The following SH2D5 variants were observed in gnomAD, a reference collection of about 807,000 sequenced individuals.
SH2D5 encodes SH2 domain containing 5, also known as SH2 domain-containing protein 5.
Under a neutral mutation model 48.2 loss-of-function variants are expected in SH2D5, and 45 were observed. The observed-to-expected ratio is 0.93, with a 90% CI of 0.73 to 1.20. SH2D5 has a LOEUF of 1.20. Among genes scored for constraint, SH2D5 ranks in the 50% most tolerant of loss-of-function variants. The pLI is 0.00. For synonymous variants in SH2D5, 230 were observed against 249.8 expected (o/e 0.92, Z 0.75); for missense variants, 538 against 584.1 (o/e 0.92, Z 0.81).
rs1030529361 is a variant in SH2D5 at position 20,729,611 on chromosome 1, C to G, written c.-42-1525G>C. ...CTCCCCTCCTTGTCCTTGGCCACAC[C>G]GACAGGCGCCCACAGAGAGCAGGTA... On this transcript the variant is annotated intron_variant, in intron 1 of 9. Transcript: ENST00000444387. The surrounding 1 kb of genome is among the most constrained non-coding windows in gnomAD (Gnocchi z 4.2). Among the ~76,000 whole-genome samples the G allele has an allele frequency of 6.6e-6, 1 of 150,488 alleles. No homozygotes were observed. The highest frequency in any genetic ancestry group is 2.5e-5 in the African/African-American group (1 of 40,808).
Position 20,728,982 on chromosome 1 carries a change from A to G in SH2D5, c.-42-896T>C, listed in dbSNP as rs1472895302. Among the ~76,000 whole-genome samples the G allele has an allele frequency of 6.6e-6, 1 of 151,636 alleles. No homozygotes were observed. The highest frequency in any genetic ancestry group is 1.5e-5 in the Non-Finnish European group (1 of 67,934). On this transcript the variant is annotated intron_variant, in intron 1 of 9. Coordinates refer to ENST00000444387, the MANE Select transcript of SH2D5 (RefSeq NM_001103161.2). This position sits in a 1 kb window ranked among gnomAD's most constrained non-coding sequence, Gnocchi z 4.3. ...CAGACAGTGCGCTGATGCAGACAGG[A>G]TGTGGGGAAGGAGGACAACTGCCCT...
chr1:20,727,464 G>A, intron 3 of SH2D5, 59 bp downstream of exon 3: 1 of 1,464,804 alleles, frequency 6.8e-7, no homozygotes, highest in Non-Finnish European at 9.4e-7. Flanking sequence ...GGTCTAGGGG[G>A]TTACCTGGTC....
chr1:20,721,878 C>A lies in SH2D5; in HGVS notation c.1186G>T (p.Asp396Tyr). Residue 396 changes from aspartate to tyrosine, a missense_variant, in exon 10 of 10, where the codon GAC becomes TAC. By Grantham distance (160) the Asp-to-Tyr change is radical. Coordinates refer to ENST00000444387, the MANE Select transcript of SH2D5 (RefSeq NM_001103161.2). ...GRLNPTYEEQ[D>Y]CGPPGRPPRT... is the part of the protein sequence containing the mutation. Reference sequence around the variant, plus strand: ...GGCGGCCTGCCTGGGGGCCCACAGTCCTGCTCCTCGTAGGTGGGGTTCAGG... The same window carrying A: ...GGCGGCCTGCCTGGGGGCCCACAGTACTGCTCCTCGTAGGTGGGGTTCAGG... The A allele has an allele frequency of 6.2e-7, 1 of 1,613,070 alleles. No individual in the cohort carries two copies. The highest frequency in any genetic ancestry group is 1.1e-5 in the South Asian group (1 of 91,058).
chr1:20,727,498 G>A lies in SH2D5; in HGVS notation c.168+25C>T, dbSNP rs768054845. The A allele has an allele frequency of 2.0e-5, 32 of 1,580,416 alleles. 1 individual carries two copies. The South Asian group carries it at 3.6e-4, about 18-fold the overall frequency. On this transcript the variant is annotated intron_variant, in intron 3 of 9. Coordinates refer to ENST00000444387, the MANE Select transcript of SH2D5 (RefSeq NM_001103161.2). ...TCTTCAAGGCTGTGACTTCCACTAG[G>A]GAAGTGCCCTCCCAGGCCACCCACC...
chr1:20,727,147 C>T, intron 3 of SH2D5, 72 bp from the exon 4 acceptor site: 1 of 1,347,748 alleles, frequency 7.4e-7, no homozygotes, highest in Non-Finnish European at 1.0e-6. Flanking sequence ...GCCTCAGGAC[C>T]ATCCACCAAA....
At position 20,721,978 on chromosome 1, in the gene SH2D5, G is replaced by C. The variant is rs1324686559; in HGVS notation, c.1086C>G (p.Phe362Leu). The C allele has an allele frequency of 6.2e-7, 1 of 1,612,830 alleles. No individual in the cohort carries two copies. Residue 362 changes from phenylalanine to leucine, a missense_variant, in exon 10 of 10, where the codon TTC becomes TTG. Physicochemically the swap from Phe to Leu is conservative, Grantham distance 22. Transcript: ENST00000444387. ...RYCLEHLPAEFPSLEALVENH... is the reference protein window; with the variant it reads ...RYCLEHLPAELPSLEALVENH... ...TCTCCACCAGAGCCTCCAGGCTGGG[G>C]AACTCTGCCGGCAGGTGCTAGGGGA... is the stretch of plus-strand genomic sequence containing the variant.
intron 8 of SH2D5, 120 bp from the exon 9 acceptor site, chr1:20,723,035 G>T: frequency 1.0e-6 from 1 of 990,572 alleles, no homozygotes; most frequent in Non-Finnish European, 1.4e-6. Context: ...CGGTGCGTTG[G>T]CCGGGCTCAG....
At chr1:20,727,464 G>C (rs1215770444) in intron 3 of SH2D5, 59 bp downstream of exon 3, 1 of 1,464,804 alleles carries the variant, frequency 6.8e-7, no homozygotes, top group Non-Finnish European at 9.4e-7. Flanking sequence ...GGTCTAGGGG[G>C]TTACCTGGTC....
Position 20,729,502 on chromosome 1 carries a change from G to A in SH2D5, c.-42-1416C>T, listed in dbSNP as rs2054867565. Among the ~76,000 whole-genome samples the A allele has an allele frequency of 1.3e-5, 2 of 152,124 alleles. No individual in the cohort carries two copies. The highest frequency in any genetic ancestry group is 1.3e-4 in the Admixed American group (2 of 15,272). ...TGGAGGAGGCAGCGCCCAGCCCGACGCCAGCCAGGCTTGGATCCAAAGCTC... is the reference window on the plus strand; with the variant it reads ...TGGAGGAGGCAGCGCCCAGCCCGACACCAGCCAGGCTTGGATCCAAAGCTC... On this transcript the variant is annotated intron_variant, in intron 1 of 9. Coordinates refer to ENST00000444387, the MANE Select transcript of SH2D5 (RefSeq NM_001103161.2). This position sits in a 1 kb window ranked among gnomAD's most constrained non-coding sequence, Gnocchi z 4.2.
rs1435403645 is a variant in SH2D5, at chr1:20,727,976, G to A, written c.69C>T (p.Cys23=). 6.4e-7 allele frequency: 1 copy of A among 1,573,170 alleles called. No individual in the cohort carries two copies. ...DCGLAPHRPR[C]ITKFAQYVGS... Reference sequence around the variant, plus strand: ...CACCCACCTGGGCAAACTTGGTGATGCACCTGGGCCGGTGAGGGGCCAGCC... The same window carrying A: ...CACCCACCTGGGCAAACTTGGTGATACACCTGGGCCGGTGAGGGGCCAGCC... The change falls in exon 2 of 10, where the codon TGC becomes TGT. Residue 23 remains cysteine, a synonymous_variant. Coordinates refer to ENST00000444387, the MANE Select transcript of SH2D5 (RefSeq NM_001103161.2).
Position 20,723,659 on chromosome 1 carries a change from G to T in SH2D5, c.875C>A (p.Thr292Lys), listed in dbSNP as rs368863175. 1 of 1,612,916 alleles carries T rather than the reference G, an allele frequency of 6.2e-7. No homozygotes were observed. The highest frequency in any genetic ancestry group is 8.5e-7 in the Non-Finnish European group (1 of 1,179,966). ...SCLVESEGSL[T>K]ENIWAFAGIS... is the part of the protein sequence containing the mutation. ...GCCAGCGAAGGCCCAGATGTTCTCC[G>T]TCAGGCTGCCCTCGCTCTCCACCAG... The change falls in exon 8 of 10, where the codon ACG becomes AAG. Residue 292 changes from threonine (T) to lysine (K), a missense_variant. Coordinates refer to ENST00000444387, the MANE Select transcript of SH2D5 (RefSeq NM_001103161.2).
rs2054851567 is a variant in SH2D5, at chr1:20,728,537, A to ATC, written c.-42-452_-42-451insGA. 6.6e-6 allele frequency among the ~76,000 whole-genome samples: 1 copy of ATC among 152,024 alleles called. No homozygotes were observed. Among genetic ancestry groups the ATC allele is most frequent in the Non-Finnish European group, 1.5e-5 (1 of 67,972 alleles). On this transcript the variant is annotated intron_variant, in intron 1 of 9. Coordinates refer to ENST00000444387, the MANE Select transcript of SH2D5 (RefSeq NM_001103161.2). The surrounding 1 kb of genome is among the most constrained non-coding windows in gnomAD (Gnocchi z 4.3). ...TGCCCCAGGGGCTGGTTACAGGAAG[A>ATC]CCTGTAACCAGATTGCACAAAGTGC...
intron 4 of SH2D5, 30 bp from the exon 5 acceptor site, chr1:20,726,096 C>G: frequency 1.9e-6 from 3 of 1,567,728 alleles, no homozygotes; most frequent in Non-Finnish European, 1.7e-6. Flanking sequence ...AGGCCCCCAT[C>G]AGACCCACCG....
intron 5 of SH2D5, 91 bp from the exon 6 acceptor site, chr1:20,724,726 A>T: frequency 7.1e-7 from 1 of 1,404,064 alleles, no homozygotes; most frequent in Non-Finnish European, 9.3e-7. Flanking sequence ...CCATGGGTGC[A>T]TGCAGCCCCT....
chr1:20,724,363 C>A, intron 6 of SH2D5, 33 bp downstream of exon 6: 1 of 1,607,720 alleles, frequency 6.2e-7, no homozygotes, highest in Middle Eastern at 1.7e-4. Flanking sequence ...TTCCCTTGTC[C>A]ACTGCCCACT....
intron 2 of SH2D5, among the ~76,000 whole-genome samples, 163 bp downstream of exon 2, chr1:20,727,795 T>C (rs1470557150): frequency 6.6e-6 from 1 of 152,180 alleles, no homozygotes; most frequent in Admixed American, 6.5e-5. Flanking sequence ...TGAAGCTCTC[T>C]GAAGTCCCAG....
chr1:20,724,334 C>A, intron 6 of SH2D5, 62 bp downstream of exon 6: 1 of 1,600,356 alleles, frequency 6.2e-7, no homozygotes, highest in Non-Finnish European at 8.5e-7. Flanking sequence ...CCTGACATGC[C>A]CCCCAAACCC....
Position 20,721,784 on chromosome 1 carries a change from C to CCT in SH2D5, c.*6_*7dup. 6.5e-7 allele frequency: 1 copy of CCT among 1,534,522 alleles called. No individual in the cohort carries two copies. Reference sequence around the variant, plus strand: ...GAGGCGGGGCCTGTGGGACCGGGGCCCTACCTCTTAGCCCAGGCCCTGCAG... The same window carrying CCT: ...GAGGCGGGGCCTGTGGGACCGGGGCCCTCTACCTCTTAGCCCAGGCCCTGCAG... On this transcript the variant is annotated 3_prime_UTR_variant, in exon 10 of 10. Transcript: ENST00000444387.
At chr1:20,727,879 G>GCA in intron 2 of SH2D5, 79 bp downstream of exon 2, 1 of 1,173,466 alleles carries the variant, frequency 8.5e-7, no homozygotes, top group Non-Finnish European at 1.2e-6. Context: ...TCCTAGGCCC[G>GCA]CAGCACTTCC....
Sources: allele counts gnomAD v4.1 joint callset (sites outside exome capture counted in the v4.1 genomes callset), GRCh38; gene constraint gnomAD v4.1.1; non-coding constraint Gnocchi (gnomAD v3.1); transcripts MANE v1.5; gene names NCBI Gene and HGNC (gene_info 2026-07-23, HGNC 2026-07-21).